PACRG: variants seen among roughly 807,000 people sequenced by gnomAD.
The protein encoded by PACRG is parkin coregulated gene protein.
A neutral mutation model predicts 29.7 loss-of-function variants in PACRG; 29 were observed. The observed-to-expected ratio is 0.98, with a 90% CI of 0.73 to 1.33. PACRG has a LOEUF of 1.33. PACRG is among the 40% of genes most tolerant of loss of function. PACRG has a pLI of 0.00. For missense variants in PACRG, 279 were observed against 316.2 expected (o/e 0.88, Z 0.89); for synonymous variants, 116 against 118.7 (o/e 0.98, Z 0.15).
chr6:163,309,796 G>T (rs1785339597), intron 4 of PACRG, among the ~76,000 whole-genome samples: 1 of 152,122 alleles, frequency 6.6e-6, no homozygotes, highest in Non-Finnish European at 1.5e-5. Flanking sequence ...TCCCCGGTGT[G>T]GTCTCGCTGT....
At chr6:163,280,332 GC>G (rs1242017090) in intron 4 of PACRG, among the ~76,000 whole-genome samples, 3 of 152,132 alleles carry the variant, frequency 2.0e-5, no homozygotes, top group African/African-American at 7.2e-5. Flanking sequence ...TCTTGAGCTG[GC>G]CCCACCTGTC....
chr6:162,789,986 C>G (rs1008558046), intron 1 of PACRG, among the ~76,000 whole-genome samples: 17 of 152,182 alleles, frequency 1.1e-4, no homozygotes, highest in Non-Finnish European at 1.8e-4. Context: ...ATTGGTTTAC[C>G]ATTTCCAAGT....
chr6:162,880,835 C>T (rs1045096896), intron 2 of PACRG, among the ~76,000 whole-genome samples: 1 of 152,188 alleles, frequency 6.6e-6, no homozygotes, highest in Non-Finnish European at 1.5e-5. Context: ...TGTGGCTGCA[C>T]GTGGGCAAGG....
At chr6:162,947,472 T>TC (rs1554313124) in intron 2 of PACRG, among the ~76,000 whole-genome samples, 40,456 of 103,814 alleles carry the variant, frequency 0.39, 7,840 homozygotes, top group Admixed American at 0.42. Flanking sequence ...TCATATATAA[T>TC]ATATATATAA....
intron 2 of PACRG, among the ~76,000 whole-genome samples, chr6:162,846,387 C>T (rs976291220): frequency 6.6e-6 from 1 of 152,154 alleles, no homozygotes; most frequent in East Asian, 1.9e-4. Context: ...ATCTTTAGTG[C>T]ACCTATGCAC....
chr6:163,019,962 A>G lies in PACRG; in HGVS notation c.292-42188A>G, dbSNP rs2128219550. On this transcript the variant is annotated intron_variant, in intron 2 of 4. Transcript: ENST00000366888. The stretch of plus-strand genomic sequence containing the variant: ...GATAAATGAAAGCTCAGCCTCTTCA[A>G]CTAAAGCAAAGTGAAGACCACAGTC... Among the ~76,000 whole-genome samples, 3 of 152,372 alleles carry G rather than the reference A, an allele frequency of 2.0e-5. 1 individual carries two copies. The East Asian group carries it at 5.8e-4, about 29-fold the overall frequency.
chr6:163,240,080 C>A (rs985954273), intron 4 of PACRG, among the ~76,000 whole-genome samples: 11 of 137,646 alleles, frequency 8.0e-5, no homozygotes, highest in Middle Eastern at 4.0e-3. Context: ...CTCCACCCCC[C>A]CACACACACT....
chr6:162,838,866 G>C (rs913091539), intron 2 of PACRG, among the ~76,000 whole-genome samples: 28 of 149,254 alleles, frequency 1.9e-4, no homozygotes, highest in African/African-American at 6.9e-4. Context: ...TCTTGCGATA[G>C]TTTACTGAGA....
intron 4 of PACRG, among the ~76,000 whole-genome samples, chr6:163,270,430 G>A (rs1271599609): frequency 6.6e-6 from 1 of 152,140 alleles, no homozygotes; most frequent in Non-Finnish European, 1.5e-5. Context: ...GAGTGCAGTG[G>A]CGCAATCATA....
At chr6:163,179,576 C>A (rs929358348) in intron 4 of PACRG, among the ~76,000 whole-genome samples, 7 of 151,938 alleles carry the variant, frequency 4.6e-5, no homozygotes, top group African/African-American at 1.7e-4. Context: ...TGTGTTGGCA[C>A]GTGCCTGTAG....
At chr6:162,972,104 G>A (rs1801581212) in intron 2 of PACRG, among the ~76,000 whole-genome samples, 1 of 152,158 alleles carries the variant, frequency 6.6e-6, no homozygotes, top group African/African-American at 2.4e-5. Flanking sequence ...CCAGCATGCA[G>A]CCCTACCTCT....
intron 2 of PACRG, among the ~76,000 whole-genome samples, chr6:162,911,358 C>T (rs1039537723): frequency 6.6e-6 from 1 of 152,164 alleles, no homozygotes; most frequent in Non-Finnish European, 1.5e-5. Context: ...GAAAATAATT[C>T]TTACTCAGAC....
intron 4 of PACRG, among the ~76,000 whole-genome samples, chr6:163,303,073 G>A (rs551066649): frequency 3.2e-4 from 48 of 152,346 alleles, no homozygotes; most frequent in Non-Finnish European, 6.0e-4. Context: ...GGCCAAGCCT[G>A]TAATCCCAGC....
chr6:163,059,138 A>G (rs374144389), intron 2 of PACRG, among the ~76,000 whole-genome samples: 1 of 152,096 alleles, frequency 6.6e-6, no homozygotes, highest in East Asian at 1.9e-4. Flanking sequence ...TTTTGTAGGA[A>G]AGAACTGCTG....
chr6:162,989,722 C>CTTTTT (rs66497763), intron 2 of PACRG, among the ~76,000 whole-genome samples: 1 of 142,038 alleles, frequency 7.0e-6, no homozygotes. Context: ...TCAGTACTTC[C>CTTTTT]TTTTTTTTTT....
intron 2 of PACRG, among the ~76,000 whole-genome samples, chr6:163,039,141 G>T (rs973608388): frequency 1.3e-5 from 2 of 152,070 alleles, no homozygotes; most frequent in African/African-American, 4.8e-5. Flanking sequence ...GAGATTTGAT[G>T]GTTTATTGAG....
At chr6:163,228,379 CAAAAAAAAAAAAAAAA>C (rs11362557) in intron 4 of PACRG, among the ~76,000 whole-genome samples, 3 of 68,168 alleles carry the variant, frequency 4.4e-5, no homozygotes, top group East Asian at 4.4e-4. Flanking sequence ...TTTAAGCAGG[CAAAAAAAAAAAAAAAA>C]AAAAAAAAAA....
At chr6:163,061,011 T>C (rs1811055285) in intron 2 of PACRG, among the ~76,000 whole-genome samples, 1 of 152,068 alleles carries the variant, frequency 6.6e-6, no homozygotes, top group Non-Finnish European at 1.5e-5. Flanking sequence ...AATATGTATA[T>C]ATGTAATTTA....
At chr6:162,785,923 C>G (rs1033183975) in intron 1 of PACRG, among the ~76,000 whole-genome samples, 3 of 152,218 alleles carry the variant, frequency 2.0e-5, no homozygotes, top group African/African-American at 4.8e-5. Flanking sequence ...CCGTGGAGGA[C>G]AGTGCACAAG....
Sources: gnomAD v4.1 joint callset for allele counts (sites outside exome capture counted in the v4.1 genomes callset) on GRCh38, gnomAD v4.1.1 for gene constraint, MANE v1.5 for transcripts, NCBI Gene and HGNC (gene_info 2026-07-23, HGNC 2026-07-21) for gene names.